The following FER variants were observed in gnomAD, a reference collection of about 807,000 sequenced individuals.
FER encodes the protein FER tyrosine kinase, also known as tyrosine-protein kinase Fer.
In FER, 63 loss-of-function variants were observed where a neutral mutation model predicts 111.0. The ratio of observed to expected loss-of-function variants is 0.57; its 90% CI spans 0.46 to 0.70. The LOEUF (loss-of-function observed/expected upper bound fraction) is 0.70. FER is among the 30% of genes least tolerant of loss of function. The pLI, the probability that FER is intolerant of heterozygous loss-of-function variation, is 0.00. For synonymous variants in FER, 327 were observed against 313.9 expected (o/e 1.04, Z -0.44); for missense variants, 914 against 954.0 (o/e 0.96, Z 0.55).
At chr5:109,141,483 T>G (rs1269414415) in intron 17 of FER, among the ~76,000 whole-genome samples, 1 of 152,230 alleles carries the variant, frequency 6.6e-6, no homozygotes, top group African/African-American at 2.4e-5. Flanking sequence ...TTGACTTCTG[T>G]ATCAGTTAGG....
At chr5:109,111,167 G>A (rs1749567923) in intron 17 of FER, among the ~76,000 whole-genome samples, 1 of 152,194 alleles carries the variant, frequency 6.6e-6, no homozygotes, top group East Asian at 1.9e-4. Context: ...AATTAAATAT[G>A]TGTATAATTT....
chr5:108,911,797 T>C (rs182083848), intron 10 of FER, among the ~76,000 whole-genome samples: 1 of 152,216 alleles, frequency 6.6e-6, no homozygotes, highest in Non-Finnish European at 1.5e-5. Context: ...TATTTCTGGG[T>C]TCTCTGTTCT....
intron 13 of FER, among the ~76,000 whole-genome samples, chr5:109,029,245 C>CTTTTTTTTTTTTTTT (rs367692424): frequency 7.9e-6 from 1 of 125,912 alleles, no homozygotes; most frequent in Non-Finnish European, 1.7e-5. Context: ...TTCTTCTTAC[C>CTTTTTTTTTTTTTTT]TTTTTTTTTT....
At chr5:108,984,114 A>G (rs969655955) in intron 13 of FER, among the ~76,000 whole-genome samples, 50 of 152,108 alleles carry the variant, frequency 3.3e-4, no homozygotes, top group African/African-American at 1.2e-3. Flanking sequence ...AAGTTCTACT[A>G]GCAGTTTTCT....
rs992414233 is a variant in FER at position 109,188,580 on chromosome 5, T to TATC, written c.*1007_*1009dup. 6 of 152,044 alleles carry TATC rather than the reference T, an allele frequency of 3.9e-5. No homozygotes were observed. The highest frequency in any genetic ancestry group is 1.4e-4 in the African/African-American group (6 of 41,396). The allele number at this position is 152,044 out of a possible 1,614,324, so 9.4% of individuals were successfully genotyped here. On this transcript the variant is annotated 3_prime_UTR_variant, in exon 20 of 20. Coordinates refer to ENST00000281092, the MANE Select transcript of FER (RefSeq NM_005246.4). Reference sequence around the variant, plus strand: ...AGAAAGTGAAAATATAAAACCACCTTATCAGAGTTATGCCTTTCTAAACAT... The same window carrying TATC: ...AGAAAGTGAAAATATAAAACCACCTTATCATCAGAGTTATGCCTTTCTAAACAT...
At chr5:108,944,261 C>T (rs1561656338) in intron 10 of FER, among the ~76,000 whole-genome samples, 1 of 152,098 alleles carries the variant, frequency 6.6e-6, no homozygotes, top group Admixed American at 6.6e-5. Flanking sequence ...GTACTTACAG[C>T]ACTTTTTCTG....
intron 13 of FER, among the ~76,000 whole-genome samples, chr5:109,007,025 C>G (rs1765584624): frequency 6.6e-6 from 1 of 151,986 alleles, no homozygotes; most frequent in African/African-American, 2.4e-5. Context: ...TGATGTTGTT[C>G]AGAGGTTTTT....
intron 17 of FER, among the ~76,000 whole-genome samples, chr5:109,138,722 C>T (rs1223738689): frequency 1.3e-5 from 2 of 152,112 alleles, no homozygotes; most frequent in African/African-American, 2.4e-5. Context: ...AGATTGAGGG[C>T]TGTGAAGTCA....
intron 10 of FER, among the ~76,000 whole-genome samples, chr5:108,931,693 G>T (rs1754698915): frequency 6.6e-6 from 1 of 152,082 alleles, no homozygotes; most frequent in South Asian, 2.1e-4. Context: ...AGCTAGGCAT[G>T]GTGGCGGGGA....
chr5:108,929,412 C>G (rs1171707400), intron 10 of FER, among the ~76,000 whole-genome samples: 1 of 152,130 alleles, frequency 6.6e-6, no homozygotes, highest in Non-Finnish European at 1.5e-5. Flanking sequence ...TCCTATCTCA[C>G]CAGATGTTGC....
Position 109,193,145 on chromosome 5 carries a change from A to G in FER, c.*5570A>G, listed in dbSNP as rs1038810204. ...TTTTTTAAAGGGCATTGAATTGGAC[A>G]TTGGTTTAATTTTTACCTACGCTCC... On this transcript the variant is annotated 3_prime_UTR_variant, in exon 20 of 20. Transcript: ENST00000281092. 2 of 152,026 alleles carry G rather than the reference A, an allele frequency of 1.3e-5. No individual in the cohort carries two copies. Among genetic ancestry groups the G allele is most frequent in the African/African-American group, 2.4e-5 (1 of 41,312 alleles). The allele number at this position is 152,026 out of a possible 1,614,324, so 9.4% of individuals were successfully genotyped here. A position where few individuals can be genotyped will look rare whatever the true frequency, so the allele number is the denominator to read the frequency against.
In FER at chr5:109,089,177, T is replaced by C. The variant is rs374407758; in HGVS notation, c.1925-11219T>C. ...CTCACTGTATGTATGTATTTGTCTATAAATGTATCAGCTTCATCACATTTT... is the reference window on the plus strand; with the variant it reads ...CTCACTGTATGTATGTATTTGTCTACAAATGTATCAGCTTCATCACATTTT... On this transcript the variant is annotated intron_variant, in intron 16 of 19. Coordinates refer to ENST00000281092, the MANE Select transcript of FER (RefSeq NM_005246.4). Among the ~76,000 whole-genome samples the C allele has an allele frequency of 3.9e-5, 6 of 152,208 alleles. No individual in the cohort carries two copies. In the East Asian group the frequency reaches 7.7e-4, roughly 19 times the overall value.
At chr5:108,872,517 C>G (rs1213006226) in intron 8 of FER, among the ~76,000 whole-genome samples, 1 of 152,020 alleles carries the variant, frequency 6.6e-6, no homozygotes, top group Non-Finnish European at 1.5e-5. Context: ...TTCATCCTCA[C>G]AATTTATTGG....
rs189509092 is a variant in FER at position 109,059,400 on chromosome 5, C to T, written c.1924+12202C>T. Among the ~76,000 whole-genome samples the T allele has an allele frequency of 5.9e-3, 891 of 151,600 alleles. 5 individuals are homozygous for T. The highest frequency in any genetic ancestry group is 0.02 in the African/African-American group (842 of 41,360). On this transcript the variant is annotated intron_variant, in intron 16 of 19. Transcript: ENST00000281092. ...AAAATTAGCTGGGTGTGGTGGCGCA[C>T]GCCTGTAGTCCCAGCTACTTGGGAA... is the stretch of plus-strand genomic sequence containing the variant.
rs978849482 is a variant in FER at position 109,196,814 on chromosome 5, A to G, written c.*9239A>G. On this transcript the variant is annotated 3_prime_UTR_variant, in exon 20 of 20. Coordinates refer to ENST00000281092, the MANE Select transcript of FER (RefSeq NM_005246.4). ...TGCAGAACCTCTTTATTGTATTCCT[A>G]TAATAAATGTAAAATATTTGTAGCA... The G allele has an allele frequency of 1.3e-5, 2 of 152,212 alleles. No individual in the cohort carries two copies. Among genetic ancestry groups the G allele is most frequent in the East Asian group, 1.9e-4 (1 of 5,168 alleles). The allele number at this position is 152,212 out of a possible 1,614,324, so 9.4% of individuals were successfully genotyped here.
chr5:108,930,181 A>C (rs1754356227), intron 10 of FER, among the ~76,000 whole-genome samples: 1 of 151,580 alleles, frequency 6.6e-6, no homozygotes, highest in South Asian at 2.1e-4. Context: ...TTTTAACTTA[A>C]AAAAATGTTT....
At chr5:108,910,474 G>T (rs975992177) in intron 10 of FER, among the ~76,000 whole-genome samples, 1 of 151,984 alleles carries the variant, frequency 6.6e-6, no homozygotes, top group Non-Finnish European at 1.5e-5. Context: ...TAAAAAAAAG[G>T]TTTGTTTAAA....
chr5:109,056,878 G>GAAA (rs1344864617), intron 16 of FER, among the ~76,000 whole-genome samples: 1 of 152,092 alleles, frequency 6.6e-6, no homozygotes, highest in African/African-American at 2.4e-5. Context: ...GGTAGTATTA[G>GAAA]TCCGGTTTAT....
At chr5:109,085,359 AT>A (rs973312363) in intron 16 of FER, among the ~76,000 whole-genome samples, 1 of 150,756 alleles carries the variant, frequency 6.6e-6, no homozygotes, top group Non-Finnish European at 1.5e-5. Context: ...CTTTTCAAGT[AT>A]TTTTTTCTGG....
Sources: allele counts gnomAD v4.1 joint callset (sites outside exome capture counted in the v4.1 genomes callset), GRCh38; gene constraint gnomAD v4.1.1; transcripts MANE v1.5; gene names NCBI Gene and HGNC (gene_info 2026-07-23, HGNC 2026-07-21).